The following VTI1A variants were observed in gnomAD, a reference collection of about 807,000 sequenced individuals.
The protein encoded by VTI1A is vesicle transport through interaction with t-SNAREs 1A, also known as vesicle transport through interaction with t-SNAREs homolog 1A.
VTI1A carries 22 observed loss-of-function variants against 34.9 expected under a neutral mutation model. The ratio of observed to expected loss-of-function variants is 0.63; its 90% CI spans 0.45 to 0.90. VTI1A has a LOEUF of 0.90. Among genes scored for constraint, VTI1A ranks in the 40% least tolerant of loss-of-function variants. The pLI is 0.00. For synonymous variants in VTI1A, 87 were observed against 97.3 expected, an observed-to-expected ratio of 0.89 and a Z score of 0.62; for missense variants, 268 against 275.6, an observed-to-expected ratio of 0.97 and a Z score of 0.20.
intron 5 of VTI1A, among the ~76,000 whole-genome samples, chr10:112,621,758 T>C (rs1295039897): frequency 6.6e-6 from 1 of 152,190 alleles, no homozygotes; most frequent in Non-Finnish European, 1.5e-5. Context: ...AATCCTTAAT[T>C]GTCCACTGTG....
rs67154330 is a variant in VTI1A at position 112,811,712 on chromosome 10, A to AAAAAAAAAAAAAAAT, written c.561-3578_561-3577insAAAAAAAAAAAAAAT. Among the ~76,000 whole-genome samples the AAAAAAAAAAAAAAAT allele has an allele frequency of 4.8e-5, 4 of 84,066 alleles. 2 individuals are homozygous for AAAAAAAAAAAAAAAT. The highest frequency in any genetic ancestry group is 9.5e-5 in the African/African-American group (2 of 21,062). 55.2% of individuals were successfully genotyped at this position (84,066 alleles called of 152,430 possible). On this transcript the variant is annotated intron_variant, in intron 7 of 7. Coordinates refer to ENST00000393077, the MANE Select transcript of VTI1A (RefSeq NM_145206.4). The stretch of plus-strand genomic sequence containing the variant: ...AAAAAAAAAAAAAAAAAAAAAAAAA[A>AAAAAAAAAAAAAAAT]GAGTGCAGTCCATGCCTGGAAGTAG...
chr10:112,786,156 C>G (rs1313033759), intron 7 of VTI1A, among the ~76,000 whole-genome samples: 1 of 152,142 alleles, frequency 6.6e-6, no homozygotes, highest in Non-Finnish European at 1.5e-5. Flanking sequence ...TTTCACGGTA[C>G]AGGTCTCATT....
chr10:112,733,788 A>G (rs2133963234), intron 7 of VTI1A, among the ~76,000 whole-genome samples: 1 of 146,652 alleles, frequency 6.8e-6, no homozygotes, highest in East Asian at 2.0e-4. Flanking sequence ...AGAGTTTTAC[A>G]CTTGTTGCCC....
intron 3 of VTI1A, among the ~76,000 whole-genome samples, chr10:112,517,137 A>T (rs1849809663): frequency 1.3e-5 from 2 of 152,018 alleles, no homozygotes; most frequent in Non-Finnish European, 2.9e-5. Context: ...AATGAAGGAG[A>T]CTAAGAAGGA....
In VTI1A at chr10:112,551,092, A is replaced by G. The variant is rs528730452; in HGVS notation, c.427+12762A>G. Among the ~76,000 whole-genome samples the G allele has an allele frequency of 1.4e-4, 22 of 152,114 alleles. No homozygotes were observed. The East Asian group carries it at 3.3e-3, about 23-fold the overall frequency. On this transcript the variant is annotated intron_variant, in intron 5 of 7. Transcript: ENST00000393077. Reference sequence around the variant, plus strand: ...CCCCGTCTCTACTAAAAATACAAAAAAATTAGCCGGGCGTGATAGTGGGCG... The same window carrying G: ...CCCCGTCTCTACTAAAAATACAAAAGAATTAGCCGGGCGTGATAGTGGGCG...
At chr10:112,537,311 G>GTATATATATATA (rs10682533) in intron 4 of VTI1A, among the ~76,000 whole-genome samples, 1,987 of 64,800 alleles carry the variant, frequency 0.031, 210 homozygotes, top group African/African-American at 0.051. Flanking sequence ...AAGTATCTAG[G>GTATATATATATA]TATATATATA....
At chr10:112,694,577 T>C (rs1848718645) in intron 7 of VTI1A, among the ~76,000 whole-genome samples, 1 of 152,008 alleles carries the variant, frequency 6.6e-6, no homozygotes, top group African/African-American at 2.4e-5. Context: ...GTCTCTTTAT[T>C]TGGGGTGATT....
chr10:112,846,895 A>C, the VTI1A span, among the ~76,000 whole-genome samples: 4 of 152,198 alleles, frequency 2.6e-5, no homozygotes, highest in African/African-American at 9.7e-5. Flanking sequence ...TCTAACTTGG[A>C]AGAGACCCAA....
chr10:112,591,924 TTC>T (rs1466931060), intron 5 of VTI1A, among the ~76,000 whole-genome samples: 4 of 152,176 alleles, frequency 2.6e-5, no homozygotes, highest in Admixed American at 1.3e-4. Flanking sequence ...GCAGAAAACT[TTC>T]TGTGTTGGAG....
intron 7 of VTI1A, among the ~76,000 whole-genome samples, chr10:112,761,415 A>G (rs1269652797): frequency 6.6e-6 from 1 of 152,154 alleles, no homozygotes; most frequent in Non-Finnish European, 1.5e-5. Flanking sequence ...GAGCTTACAC[A>G]AAACTCCCAT....
chr10:112,738,869 A>G (rs1181358959), intron 7 of VTI1A, among the ~76,000 whole-genome samples: 1 of 152,118 alleles, frequency 6.6e-6, no homozygotes. Context: ...ATGCTTTATC[A>G]TCTGGTCCCT....
intron 7 of VTI1A, among the ~76,000 whole-genome samples, chr10:112,706,807 C>T (rs1315866584): frequency 6.6e-6 from 1 of 152,144 alleles, no homozygotes; most frequent in African/African-American, 2.4e-5. Context: ...CCCTGTCACG[C>T]AACATCAAAA....
intron 7 of VTI1A, among the ~76,000 whole-genome samples, chr10:112,696,120 G>A (rs1028877804): frequency 2.2e-5 from 3 of 136,100 alleles, no homozygotes; most frequent in Admixed American, 7.5e-5. Context: ...ATATATGCAC[G>A]TGAGCACATC....
rs546376498 is a variant in VTI1A at position 112,558,801 on chromosome 10, G to A, written c.427+20471G>A. ...TGAAGCAGGCAACAAAGAAAGAGAT[G>A]TGTGGTATGCATCCCTACGGTTGTC... On this transcript the variant is annotated intron_variant, in intron 5 of 7. Transcript: ENST00000393077. 5.3e-5 allele frequency among the ~76,000 whole-genome samples: 8 copies of A among 152,376 alleles called. No homozygotes were observed. In the East Asian group the frequency reaches 9.6e-4, roughly 18 times the overall value.
At chr10:112,680,552 G>A (rs563810919) in intron 7 of VTI1A, among the ~76,000 whole-genome samples, 5 of 152,194 alleles carry the variant, frequency 3.3e-5, no homozygotes, top group Non-Finnish European at 7.3e-5. Context: ...AGGGCATATG[G>A]AGATTCCCTT....
At chr10:112,463,698 T>A (rs1184836242) in intron 2 of VTI1A, among the ~76,000 whole-genome samples, 1 of 152,182 alleles carries the variant, frequency 6.6e-6, no homozygotes, top group African/African-American at 2.4e-5. Flanking sequence ...TGTATCCATT[T>A]AATGCCATAT....
rs144436865 is a variant in VTI1A, at chr10:112,475,753, A to G, written c.264+11096A>G. 9.7e-4 allele frequency among the ~76,000 whole-genome samples: 148 copies of G among 152,342 alleles called. 1 individual carries two copies. Among genetic ancestry groups the G allele is most frequent in the African/African-American group, 3.4e-3 (141 of 41,586 alleles). ...AAAGATAAAACCAGATAAGATTTTG[A>G]GAGATTAATTATAAACTGATGACAA... On this transcript the variant is annotated intron_variant, in intron 3 of 7. Transcript: ENST00000393077.
chr10:112,500,776 T>G, intron 3 of VTI1A, among the ~76,000 whole-genome samples: 1 of 152,198 alleles, frequency 6.6e-6, no homozygotes, highest in East Asian at 1.9e-4. Flanking sequence ...CTTACAATTC[T>G]TTTCCTTTCA....
chr10:112,752,720 C>A, intron 7 of VTI1A: 1 of 281,144 alleles, frequency 3.6e-6, no homozygotes, highest in Non-Finnish European at 5.4e-6. Context: ...ATTGAACTAT[C>A]ACACTACAGT....
Sources: allele counts gnomAD v4.1 joint callset (sites outside exome capture counted in the v4.1 genomes callset), GRCh38; gene constraint gnomAD v4.1.1; transcripts MANE v1.5; gene names NCBI Gene and HGNC (gene_info 2026-07-23, HGNC 2026-07-21).